Variants in RALGAPA1 observed in about 807,000 individuals in gnomAD.
The protein encoded by RALGAPA1 is Ral GTPase activating protein catalytic subunit alpha 1, also known as ral GTPase-activating protein subunit alpha-1.
RALGAPA1 carries 52 observed loss-of-function variants against 269.6 expected under a neutral mutation model. That is an observed-to-expected ratio of 0.19 (90% CI 0.15 to 0.24). RALGAPA1 has a LOEUF of 0.24. Ranked by LOEUF, RALGAPA1 falls within the 10% of genes least tolerant of loss-of-function variation. The probability of loss-of-function intolerance (pLI) is 1.00; values close to 1 mark genes in which losing one functional copy is unlikely to be tolerated. For missense variants in RALGAPA1, 1,917 were observed against 3,013.9 expected (o/e 0.64, Z 8.52); for synonymous variants, 817 against 1,008.3 (o/e 0.81, Z 3.60).
rs1287528674 is a variant in RALGAPA1, at chr14:35,635,613, G to A, written c.5677-15C>T. ...GATACTACCAACTGTAACAACAATA[G>A]AATCATTATAATTGTACATTCATAA... On this transcript the variant is annotated splice_polypyrimidine_tract_variant and intron_variant, in intron 31 of 41. Coordinates refer to ENST00000680220, the MANE Select transcript of RALGAPA1 (RefSeq NM_001346249.2). The A allele has an allele frequency of 6.5e-7, 1 of 1,545,344 alleles. No individual in the cohort carries two copies.
intron 31 of RALGAPA1, among the ~76,000 whole-genome samples, chr14:35,644,930 T>C (rs1159278763): frequency 6.6e-6 from 1 of 152,138 alleles, no homozygotes; most frequent in Non-Finnish European, 1.5e-5. Flanking sequence ...AAAATAAGAA[T>C]TGGAGGTGTC....
intron 41 of RALGAPA1, among the ~76,000 whole-genome samples, chr14:35,545,826 A>G (rs1474342197): frequency 6.6e-6 from 1 of 152,156 alleles, no homozygotes; most frequent in Non-Finnish European, 1.5e-5. Context: ...TGGGAGAAAC[A>G]TGTACATATG....
In RALGAPA1 at chr14:35,773,741, C is replaced by T. The variant is rs192780858; in HGVS notation, c.267+1265G>A. 7.2e-5 allele frequency among the ~76,000 whole-genome samples: 11 copies of T among 152,048 alleles called. No individual in the cohort carries two copies. In the East Asian group the frequency reaches 1.5e-3, roughly 21 times the overall value. ...ATATAATCAAATTCCTCAGGGGTCA[C>T]GACTAATGAAAATTAACTGCAGAAC... On this transcript the variant is annotated intron_variant, in intron 3 of 41. Coordinates refer to ENST00000680220, the MANE Select transcript of RALGAPA1 (RefSeq NM_001346249.2).
At chr14:35,710,655 C>A (rs1052917227) in intron 16 of RALGAPA1, among the ~76,000 whole-genome samples, 1 of 152,136 alleles carries the variant, frequency 6.6e-6, no homozygotes, top group Admixed American at 6.5e-5. Flanking sequence ...ATGTTTCGGT[C>A]ACCAACAGAC....
intron 34 of RALGAPA1, among the ~76,000 whole-genome samples, chr14:35,626,327 G>A (rs973577493): frequency 1.3e-5 from 2 of 152,088 alleles, no homozygotes; most frequent in Admixed American, 1.3e-4. Context: ...TTTAAGATTT[G>A]TTCGTTCACT....
intron 10 of RALGAPA1, among the ~76,000 whole-genome samples, chr14:35,743,295 G>A (rs1446783047): frequency 3.3e-5 from 5 of 152,040 alleles, no homozygotes; most frequent in East Asian, 3.9e-4. Flanking sequence ...ATTCATTGTC[G>A]TAAAAAGCCT....
intron 16 of RALGAPA1, among the ~76,000 whole-genome samples, chr14:35,706,293 CTGAGT>C (rs1241463024): frequency 6.6e-6 from 1 of 152,104 alleles, no homozygotes; most frequent in Non-Finnish European, 1.5e-5. Flanking sequence ...GGTCTATGAT[CTGAGT>C]TAATTTTTGT....
intron 39 of RALGAPA1, among the ~76,000 whole-genome samples, chr14:35,564,905 C>T (rs1471608598): frequency 6.6e-6 from 1 of 152,116 alleles, no homozygotes; most frequent in Non-Finnish European, 1.5e-5. Context: ...AATTTCTTCA[C>T]CCTTGGAACT....
chr14:35,633,653 G>A (rs58242816), intron 33 of RALGAPA1, among the ~76,000 whole-genome samples: 7 of 152,116 alleles, frequency 4.6e-5, no homozygotes, highest in South Asian at 4.1e-4. Context: ...AAAAACAGGC[G>A]GTAGCAATGG....
intron 31 of RALGAPA1, among the ~76,000 whole-genome samples, chr14:35,644,879 C>T (rs528600538): frequency 6.6e-6 from 1 of 152,242 alleles, no homozygotes; most frequent in African/African-American, 2.4e-5. Flanking sequence ...CAAACCTGCA[C>T]ATTCTGCACA....
intron 1 of RALGAPA1, among the ~76,000 whole-genome samples, chr14:35,776,337 C>T (rs181904221): frequency 9.3e-5 from 14 of 151,066 alleles, no homozygotes; most frequent in South Asian, 6.3e-4. Flanking sequence ...GCCAAGATTG[C>T]GCCACTGCAC....
At chr14:35,789,791 G>A (rs530718623) in intron 1 of RALGAPA1, among the ~76,000 whole-genome samples, 39 of 152,144 alleles carry the variant, frequency 2.6e-4, no homozygotes, top group African/African-American at 6.8e-4. Flanking sequence ...CAACATTAAA[G>A]GTAGGATTTG....
rs749837920 is a variant in RALGAPA1, at chr14:35,756,841, A to G, written c.615T>C (p.Asp205=). 1.6e-5 allele frequency: 25 copies of G among 1,611,238 alleles called. No individual in the cohort carries two copies. In the African/African-American group the frequency reaches 3.1e-4, roughly 20 times the overall value. The change falls in exon 7 of 42, where the codon GAT becomes GAC. Residue 205 remains aspartate (D), a synonymous_variant. Coordinates refer to ENST00000680220, the MANE Select transcript of RALGAPA1 (RefSeq NM_001346249.2). The stretch of plus-strand genomic sequence containing the variant: ...GTGCTTCAAGAAAATAGCTTGTGAG[A>G]TCTTCTTGCCCTTTATCTCCTGATT... ...PPQSGDKGQE[D]LTSYFLEALL... is the part of the protein sequence containing the mutation.
intron 39 of RALGAPA1, among the ~76,000 whole-genome samples, chr14:35,559,801 G>C (rs1428864696): frequency 6.6e-6 from 1 of 152,156 alleles, no homozygotes; most frequent in Non-Finnish European, 1.5e-5. Flanking sequence ...TCAATAACGT[G>C]TAAAAGTGTA....
Position 35,635,604 on chromosome 14 carries a change from A to G in RALGAPA1, c.5677-6T>C. On this transcript the variant is annotated splice_region_variant and splice_polypyrimidine_tract_variant and intron_variant, in intron 31 of 41. Coordinates refer to ENST00000680220, the MANE Select transcript of RALGAPA1 (RefSeq NM_001346249.2). The stretch of plus-strand genomic sequence containing the variant: ...AGAAGTAAAGATACTACCAACTGTA[A>G]CAACAATAGAATCATTATAATTGTA... The G allele has an allele frequency of 6.4e-7, 1 of 1,564,850 alleles. No individual in the cohort carries two copies. The highest frequency in any genetic ancestry group is 8.6e-7 in the Non-Finnish European group (1 of 1,159,046).
At position 35,584,351 on chromosome 14, in the gene RALGAPA1, C is replaced by T. The variant is rs542434169; in HGVS notation, c.7209+11283G>A. On this transcript the variant is annotated intron_variant, in intron 37 of 41. Transcript: ENST00000680220. ...CAATCATGGCCCACTGCAGCCTCAA[C>T]TTCCCCAAGCTCAGGTGATCCTCTC... 4.6e-5 allele frequency among the ~76,000 whole-genome samples: 7 copies of T among 152,208 alleles called. No homozygotes were observed. In the East Asian group the frequency reaches 9.7e-4, roughly 21 times the overall value.
chr14:35,800,910 C>T (rs1595605431), intron 1 of RALGAPA1, among the ~76,000 whole-genome samples: 1 of 152,080 alleles, frequency 6.6e-6, no homozygotes, highest in East Asian at 1.9e-4. Context: ...GAGGCTGAGG[C>T]AGAAGAACAG....
At chr14:35,612,057 C>G (rs1178247279) in intron 35 of RALGAPA1, among the ~76,000 whole-genome samples, 1 of 151,982 alleles carries the variant, frequency 6.6e-6, no homozygotes, top group Non-Finnish European at 1.5e-5. Flanking sequence ...GGTACTGGGA[C>G]AACGAGATAT....
Position 35,634,662 on chromosome 14 carries a change from A to G in RALGAPA1, c.5907T>C (p.Pro1969=), listed in dbSNP as rs2061559158. The change falls in exon 33 of 42, where the codon CCT becomes CCC. Residue 1969 remains proline, a synonymous_variant. Coordinates refer to ENST00000680220, the MANE Select transcript of RALGAPA1 (RefSeq NM_001346249.2). ...LSDLASVDYD[P]FMHLESLKEP... ...CTTTCAGACTTTCCAAATGCATAAAAGGATCATAATCTACAGATGCCAAAT... is the reference window on the plus strand; with the variant it reads ...CTTTCAGACTTTCCAAATGCATAAAGGGATCATAATCTACAGATGCCAAAT... The G allele has an allele frequency of 6.2e-7, 1 of 1,613,654 alleles. No homozygotes were observed. Among genetic ancestry groups the G allele is most frequent in the South Asian group, 1.1e-5 (1 of 91,070 alleles).
Sources: gnomAD v4.1 joint callset for allele counts (sites outside exome capture counted in the v4.1 genomes callset) on GRCh38, gnomAD v4.1.1 for gene constraint, MANE v1.5 for transcripts, NCBI Gene and HGNC (gene_info 2026-07-23, HGNC 2026-07-21) for gene names.